Variants in ARHGAP15 observed in about 807,000 individuals in gnomAD.
ARHGAP15 encodes Rho GTPase activating protein 15.
Under a neutral mutation model 63.7 loss-of-function variants are expected in ARHGAP15, and 51 were observed. The ratio of observed to expected loss-of-function variants is 0.80; its 90% CI spans 0.64 to 1.01. ARHGAP15 has a LOEUF of 1.01. ARHGAP15 is among the 50% of genes least tolerant of loss of function. ARHGAP15 has a pLI of 0.00. For missense variants in ARHGAP15, 560 were observed against 564.6 expected, an observed-to-expected ratio of 0.99 and a Z score of 0.08; for synonymous variants, 191 against 193.8, an observed-to-expected ratio of 0.99 and a Z score of 0.12.
chr2:143,350,060 T>G (rs534090531), intron 6 of ARHGAP15, among the ~76,000 whole-genome samples: 72 of 152,310 alleles, frequency 4.7e-4, no homozygotes, highest in Admixed American at 2.9e-3. Context: ...CGTAGTTTTA[T>G]TTTTATTTTC....
At chr2:143,288,029 G>C (rs1682196402) in intron 6 of ARHGAP15, among the ~76,000 whole-genome samples, 1 of 152,118 alleles carries the variant, frequency 6.6e-6, no homozygotes, top group Non-Finnish European at 1.5e-5. Flanking sequence ...TTCCCTGATG[G>C]TTCAGAACTC....
chr2:143,153,216 C>T (rs1466951009), intron 1 of ARHGAP15, among the ~76,000 whole-genome samples: 1 of 151,898 alleles, frequency 6.6e-6, no homozygotes, highest in African/African-American at 2.4e-5. Flanking sequence ...AAGAGAGTGG[C>T]TTCAGCCTGA....
chr2:143,250,507 A>G lies in ARHGAP15; in HGVS notation c.385-4A>G, dbSNP rs778966573. On this transcript the variant is annotated splice_polypyrimidine_tract_variant and splice_region_variant and intron_variant, in intron 5 of 13. Transcript: ENST00000295095. ...TTATTCTTACTTCATTTTTGTGATT[A>G]CAGAAAACTGGGCACAAACCAGAAA... 1 of 1,612,292 alleles carries G rather than the reference A, an allele frequency of 6.2e-7. No individual in the cohort carries two copies. Among genetic ancestry groups the G allele is most frequent in the Non-Finnish European group, 8.5e-7 (1 of 1,178,652 alleles).
At chr2:143,173,980 T>C (rs1454307316) in intron 2 of ARHGAP15, among the ~76,000 whole-genome samples, 3 of 152,062 alleles carry the variant, frequency 2.0e-5, no homozygotes, top group African/African-American at 7.2e-5. Flanking sequence ...CCTCCCCAAT[T>C]TGCCCCTCAG....
At chr2:143,435,450 C>T (rs1411996034) in intron 6 of ARHGAP15, 151 bp from the exon 7 acceptor site, 6 of 1,259,638 alleles carry the variant, frequency 4.8e-6, no homozygotes, top group South Asian at 1.9e-5. Flanking sequence ...TCAAAATGCT[C>T]CCAGTTCCCA....
chr2:143,397,344 GTGTA>G (rs199937868), intron 6 of ARHGAP15, among the ~76,000 whole-genome samples: 7,658 of 148,218 alleles, frequency 0.052, 624 homozygotes, highest in Admixed American at 0.22. Context: ...GTGTGTGTGT[GTGTA>G]TATATATATC....
Position 143,710,085 on chromosome 2 carries a change from G to A in ARHGAP15, c.1244+6561G>A, listed in dbSNP as rs374222662. On this transcript the variant is annotated intron_variant, in intron 13 of 13. Transcript: ENST00000295095. The stretch of plus-strand genomic sequence containing the variant: ...CCAACCACAATACCTGATATCCAAA[G>A]ACTTGCAGACATGGATATTTTTACT... Among the ~76,000 whole-genome samples, 3 of 152,286 alleles carry A rather than the reference G, an allele frequency of 2.0e-5. No individual in the cohort carries two copies. In the East Asian group the frequency reaches 5.8e-4, roughly 29 times the overall value.
chr2:143,718,023 G>A (rs1684884757), intron 13 of ARHGAP15, among the ~76,000 whole-genome samples: 1 of 152,142 alleles, frequency 6.6e-6, no homozygotes, highest in Non-Finnish European at 1.5e-5. Flanking sequence ...AGAGGAGAAA[G>A]CAGAAATTAG....
intron 6 of ARHGAP15, among the ~76,000 whole-genome samples, chr2:143,258,386 C>T (rs1266724131): frequency 1.3e-5 from 2 of 151,916 alleles, no homozygotes; most frequent in Non-Finnish European, 2.9e-5. Context: ...AAGCAAGCAT[C>T]CATAAACAAA....
chr2:143,261,593 C>T (rs1283122028), intron 6 of ARHGAP15, among the ~76,000 whole-genome samples: 1 of 151,806 alleles, frequency 6.6e-6, no homozygotes, highest in East Asian at 1.9e-4. Flanking sequence ...AGGTGATTAC[C>T]AGCCTTGGCC....
chr2:143,414,438 A>G (rs538274205), intron 6 of ARHGAP15, among the ~76,000 whole-genome samples: 3 of 152,258 alleles, frequency 2.0e-5, no homozygotes, highest in South Asian at 4.1e-4. Context: ...CTCAGAAAAC[A>G]TAGATAATAT....
Position 143,259,101 on chromosome 2 carries a change from C to A in ARHGAP15, c.474+8501C>A, listed in dbSNP as rs74828432. Among the ~76,000 whole-genome samples, 23 of 151,958 alleles carry A rather than the reference C, an allele frequency of 1.5e-4. No homozygotes were observed. The East Asian group carries it at 4.3e-3, about 28-fold the overall frequency. ...TGCCCTTGATCAAGTAAAAGGCAAGCTTCTGATATTTGAGATCTGCGATAG... is the reference window on the plus strand; with the variant it reads ...TGCCCTTGATCAAGTAAAAGGCAAGATTCTGATATTTGAGATCTGCGATAG... On this transcript the variant is annotated intron_variant, in intron 6 of 13. Coordinates refer to ENST00000295095, the MANE Select transcript of ARHGAP15 (RefSeq NM_018460.4).
chr2:143,504,314 T>C (rs1454916707), intron 9 of ARHGAP15, among the ~76,000 whole-genome samples: 2 of 152,182 alleles, frequency 1.3e-5, no homozygotes, highest in African/African-American at 4.8e-5. Context: ...TGGCAAGCCA[T>C]AGGCTGGGCA....
intron 6 of ARHGAP15, among the ~76,000 whole-genome samples, chr2:143,357,244 ATGTT>A (rs1167058677): frequency 6.6e-6 from 1 of 152,154 alleles, no homozygotes; most frequent in Non-Finnish European, 1.5e-5. Context: ...AAAGGGTGAG[ATGTT>A]TGTTCAGCTT....
chr2:143,546,888 A>G (rs1393476918), intron 10 of ARHGAP15, among the ~76,000 whole-genome samples: 1 of 152,164 alleles, frequency 6.6e-6, no homozygotes, highest in Admixed American at 6.6e-5. Context: ...AACCAGAATC[A>G]TTGACCAAAA....
intron 11 of ARHGAP15, 63 bp downstream of exon 11, chr2:143,556,548 C>A: frequency 1.6e-6 from 2 of 1,219,312 alleles, no homozygotes; most frequent in Non-Finnish European, 2.4e-6. Context: ...ATTTCATACA[C>A]TGTGCTGTAT....
At chr2:143,605,268 G>T in intron 11 of ARHGAP15, among the ~76,000 whole-genome samples, 1 of 152,150 alleles carries the variant, frequency 6.6e-6, no homozygotes, top group East Asian at 1.9e-4. Flanking sequence ...CTGAGGCTGA[G>T]ATTAAGTGAT....
intron 8 of ARHGAP15, among the ~76,000 whole-genome samples, chr2:143,441,307 C>A (rs1574455113): frequency 6.6e-6 from 1 of 152,094 alleles, no homozygotes; most frequent in Non-Finnish European, 1.5e-5. Flanking sequence ...TTTCCCCTGG[C>A]AACTCCCATG....
At chr2:143,288,839 A>G (rs1362874898) in intron 6 of ARHGAP15, among the ~76,000 whole-genome samples, 1 of 151,714 alleles carries the variant, frequency 6.6e-6, no homozygotes, top group Non-Finnish European at 1.5e-5. Context: ...AAGACACCCA[A>G]CTGCTGCTAC....
Sources: allele counts gnomAD v4.1 joint callset (sites outside exome capture counted in the v4.1 genomes callset), GRCh38; gene constraint gnomAD v4.1.1; transcripts MANE v1.5; gene names NCBI Gene and HGNC (gene_info 2026-07-23, HGNC 2026-07-21).